Variants in SMC2 observed in about 807,000 individuals in gnomAD.
The protein encoded by SMC2 is structural maintenance of chromosomes protein 2.
Under a neutral mutation model 142.6 loss-of-function variants are expected in SMC2, and 41 were observed. The observed-to-expected ratio is 0.29, with a 90% CI of 0.22 to 0.37. The LOEUF (loss-of-function observed/expected upper bound fraction) is 0.37, where lower values mean the gene tolerates loss of function less well. Ranked by LOEUF, SMC2 falls within the 10% of genes least tolerant of loss-of-function variation. The pLI is 1.00. For synonymous variants in SMC2, 463 were observed against 457.5 expected (o/e 1.01, Z -0.15); for missense variants, 1,265 against 1,373.7 (o/e 0.92, Z 1.25).
At chr9:104,136,374 C>G (rs1387231526) in intron 23 of SMC2, among the ~76,000 whole-genome samples, 1 of 151,890 alleles carries the variant, frequency 6.6e-6, no homozygotes. Context: ...AAAAATACAG[C>G]TCCTGCTGCC....
chr9:104,133,422 A>C (rs1418963745), intron 22 of SMC2, among the ~76,000 whole-genome samples: 3 of 152,122 alleles, frequency 2.0e-5, no homozygotes, highest in Admixed American at 6.6e-5. Flanking sequence ...TTACTTAGTA[A>C]ATCTATATTT....
In SMC2 at chr9:104,098,505, A is replaced by G. The variant is rs530633123; in HGVS notation, c.378A>G (p.Arg126=). 1 of 1,601,178 alleles carries G rather than the reference A, an allele frequency of 6.2e-7. No homozygotes were observed. The highest frequency in any genetic ancestry group is 1.7e-5 in the Admixed American group (1 of 57,564). Residue 126 remains arginine, a synonymous_variant, in exon 4 of 25, where the codon AGA becomes AGG. Coordinates refer to ENST00000374793, the MANE Select transcript of SMC2 (RefSeq NM_006444.3). ...LINGVNANNT[R]VQDLFCSVGL... ...ATGGAGTCAATGCCAACAACACCAG[A>G]GTACAGGATCTCTTCTGTTCTGTTG...
chr9:104,095,066 A>G (rs1381108835), intron 1 of SMC2, among the ~76,000 whole-genome samples: 2 of 152,214 alleles, frequency 1.3e-5, no homozygotes, highest in Non-Finnish European at 2.9e-5. Flanking sequence ...TAGGTAGAGT[A>G]TGATAAAAGT....
At chr9:104,139,069 C>A in intron 24 of SMC2, 70 bp from the exon 25 acceptor site, 1 of 929,984 alleles carries the variant, frequency 1.1e-6, no homozygotes, top group Non-Finnish European at 1.5e-6. Flanking sequence ...ATTCTTATCA[C>A]CAGTATAAAG....
chr9:104,105,188 C>T (rs1413977966), intron 9 of SMC2, among the ~76,000 whole-genome samples: 1 of 152,216 alleles, frequency 6.6e-6, no homozygotes. Flanking sequence ...CACTTAAACC[C>T]AGAGTCAGTA....
chr9:104,130,203 A>T (rs1429469191), intron 21 of SMC2, among the ~76,000 whole-genome samples: 1 of 152,206 alleles, frequency 6.6e-6, no homozygotes, highest in Non-Finnish European at 1.5e-5. Flanking sequence ...ATAAGTAATG[A>T]CTAAAGCCAT....
At chr9:104,103,220 C>T (rs1290158414) in intron 9 of SMC2, among the ~76,000 whole-genome samples, 4 of 151,860 alleles carry the variant, frequency 2.6e-5, no homozygotes, top group East Asian at 3.9e-4. Context: ...AAAATTAGGC[C>T]AGTAAATTGT....
Position 104,138,008 on chromosome 9 carries a change from CT to C in SMC2, c.3270-6del. The C allele has an allele frequency of 1.3e-6, 2 of 1,540,158 alleles. No homozygotes were observed. The highest frequency in any genetic ancestry group is 1.3e-5 in the South Asian group (1 of 78,970). Reference sequence around the variant, plus strand: ...AAATTTTTATGGCTTTTCTTCTGACCTTTTCTTAGGTCTTTAGTGGCCTTGT... The same window carrying C: ...AAATTTTTATGGCTTTTCTTCTGACCTTTCTTAGGTCTTTAGTGGCCTTGT... On this transcript the variant is annotated splice_polypyrimidine_tract_variant and intron_variant, in intron 23 of 24. Transcript: ENST00000374793.
chr9:104,123,624 G>C (rs748390877), intron 17 of SMC2, among the ~76,000 whole-genome samples: 1 of 152,056 alleles, frequency 6.6e-6, no homozygotes. Context: ...GTTTATACTT[G>C]TGTGAATTTT....
Position 104,100,150 on chromosome 9 carries a change from G to T in SMC2, c.538G>T (p.Ala180Ser), listed in dbSNP as rs764044934. The stretch of plus-strand genomic sequence containing the variant: ...CAGGATGTATGAATACAAAAAAATA[G>T]CTGCACAGAAAACTATAGAAAAAAA... ...GTRMYEYKKIAAQKTIEKKEA... is the reference protein window; with the variant it reads ...GTRMYEYKKISAQKTIEKKEA... The change falls in exon 6 of 25, where the codon GCT becomes TCT. Residue 180 changes from alanine (A) to serine (S), a missense_variant. By Grantham distance (99) the Ala-to-Ser change is moderately conservative. Coordinates refer to ENST00000374793, the MANE Select transcript of SMC2 (RefSeq NM_006444.3). 1 of 1,579,170 alleles carries T rather than the reference G, an allele frequency of 6.3e-7. No individual in the cohort carries two copies. Among genetic ancestry groups the T allele is most frequent in the South Asian group, 1.2e-5 (1 of 83,584 alleles).
chr9:104,105,752 A>G (rs138580256), intron 9 of SMC2, among the ~76,000 whole-genome samples: 176 of 152,280 alleles, frequency 1.2e-3, no homozygotes, highest in African/African-American at 4.1e-3. Flanking sequence ...ACACTGTGAC[A>G]TTAGGAATGC....
chr9:104,102,664 A>T, intron 9 of SMC2, 91 bp downstream of exon 9: 1 of 1,297,530 alleles, frequency 7.7e-7, no homozygotes, highest in Non-Finnish European at 1.0e-6. Context: ...ATATTTAGTG[A>T]GTGTCTTCTA....
chr9:104,137,082 A>G (rs1835627766), intron 23 of SMC2, among the ~76,000 whole-genome samples: 1 of 152,090 alleles, frequency 6.6e-6, no homozygotes, highest in Non-Finnish European at 1.5e-5. Context: ...TGGGAGGTAG[A>G]GGTTGCAGTG....
At chr9:104,091,091 A>G (rs1282108026), upstream of SMC2, among the ~76,000 whole-genome samples, 3 of 152,214 alleles carry the variant, frequency 2.0e-5, no homozygotes, top group Admixed American at 2.0e-4. Context: ...TTTGTCAAAC[A>G]GGTTATATTC....
At chr9:104,131,805 A>T (rs1377178627) in intron 21 of SMC2, among the ~76,000 whole-genome samples, 1 of 151,978 alleles carries the variant, frequency 6.6e-6, no homozygotes, top group Non-Finnish European at 1.5e-5. Context: ...AAGAGTGTGT[A>T]TATGAGTGTG....
rs1480340370 is a variant in SMC2 at position 104,132,143 on chromosome 9, T to G, written c.3108+18T>G. 7.9e-6 allele frequency: 10 copies of G among 1,273,308 alleles called. No individual in the cohort carries two copies. Among genetic ancestry groups the G allele is most frequent in the Non-Finnish European group, 1.1e-5 (10 of 882,854 alleles). The allele number at this position is 1,273,308 out of a possible 1,614,324, so 78.9% of individuals were successfully genotyped here. A position where few individuals can be genotyped will look rare whatever the true frequency, so the allele number is the denominator to read the frequency against. ...GGCAAAAGGTACTTTTTATGTTTGT[T>G]TTATATGAGGTTGCAAGGATGAAAA... is the stretch of plus-strand genomic sequence containing the variant. On this transcript the variant is annotated intron_variant, in intron 22 of 24. Coordinates refer to ENST00000374793, the MANE Select transcript of SMC2 (RefSeq NM_006444.3).
chr9:104,125,113 C>T lies in SMC2; in HGVS notation c.2451+8C>T. On this transcript the variant is annotated splice_region_variant and intron_variant, in intron 18 of 24. Transcript: ENST00000374793. The stretch of plus-strand genomic sequence containing the variant: ...ATGAAAGAAAAACAACAGGTAATAA[C>T]TTCTTTTTGAAATTGAACCAACCTT... The T allele has an allele frequency of 6.4e-7, 1 of 1,562,340 alleles. No homozygotes were observed. Among genetic ancestry groups the T allele is most frequent in the East Asian group, 2.3e-5 (1 of 44,132 alleles).
chr9:104,090,177 G>T (rs1413137637), upstream of SMC2, among the ~76,000 whole-genome samples: 1 of 152,078 alleles, frequency 6.6e-6, no homozygotes, highest in Non-Finnish European at 1.5e-5. Flanking sequence ...TATAATTATT[G>T]TTCTATAAAC....
chr9:104,116,640 T>A (rs559384721), intron 14 of SMC2, among the ~76,000 whole-genome samples: 2 of 152,310 alleles, frequency 1.3e-5, no homozygotes, highest in East Asian at 3.9e-4. Context: ...CCCAAATTCT[T>A]CAAGTTTTTG....
Sources: gnomAD v4.1 joint callset for allele counts (sites outside exome capture counted in the v4.1 genomes callset) on GRCh38, gnomAD v4.1.1 for gene constraint, MANE v1.5 for transcripts, NCBI Gene and HGNC (gene_info 2026-07-23, HGNC 2026-07-21) for gene names.